The following IGF1R variants were observed in gnomAD, a reference collection of about 807,000 sequenced individuals.
IGF1R encodes insulin-like growth factor 1 receptor.
IGF1R carries 44 observed loss-of-function variants against 144.6 expected under a neutral mutation model. The ratio of observed to expected loss-of-function variants is 0.30; its 90% CI spans 0.24 to 0.39. IGF1R has a LOEUF of 0.39. Among genes scored for constraint, IGF1R ranks in the 10% least tolerant of loss-of-function variants. The pLI is 1.00. For missense variants in IGF1R, 1,355 were observed against 1,833.7 expected, an observed-to-expected ratio of 0.74 and a Z score of 4.77; for synonymous variants, 795 against 722.8, an observed-to-expected ratio of 1.10 and a Z score of -1.60.
intron 2 of IGF1R, among the ~76,000 whole-genome samples, chr15:98,808,800 C>G (rs1022911589): frequency 6.6e-6 from 1 of 152,044 alleles, no homozygotes; most frequent in African/African-American, 2.4e-5. Context: ...CTGTCTCAGC[C>G]TCCCGAGTAG....
At chr15:98,654,784 C>T (rs530208143) in intron 1 of IGF1R, among the ~76,000 whole-genome samples, 23 of 152,246 alleles carry the variant, frequency 1.5e-4, no homozygotes, top group African/African-American at 5.5e-4. Flanking sequence ...TAGTTGCACA[C>T]ATGTTACGGA....
intron 13 of IGF1R, among the ~76,000 whole-genome samples, chr15:98,927,733 C>A (rs1024422927): frequency 1.3e-5 from 2 of 152,126 alleles, no homozygotes; most frequent in South Asian, 4.1e-4. Flanking sequence ...TTTCTTTCTT[C>A]GATTAAAATA....
rs2013922369 is a variant in IGF1R at position 98,891,607 on chromosome 15, C to T, written c.923C>T (p.Pro308Leu). The change falls in exon 3 of 21, where the codon CCC becomes CTC. Residue 308 changes from proline to leucine, a missense_variant. Coordinates refer to ENST00000650285, the MANE Select transcript of IGF1R (RefSeq NM_000875.5). This position sits in a 1 kb window ranked among gnomAD's most constrained non-coding sequence, Gnocchi z 4.7. ...IHDGECMQECPSGFIRNGSQS... is the reference protein window; with the variant it reads ...IHDGECMQECLSGFIRNGSQS... ...GACGGCGAGTGCATGCAGGAGTGCCCCTCGGGCTTCATCCGCAACGGCAGC... is the reference window on the plus strand; with the variant it reads ...GACGGCGAGTGCATGCAGGAGTGCCTCTCGGGCTTCATCCGCAACGGCAGC... 1 of 1,602,360 alleles carries T rather than the reference C, an allele frequency of 6.2e-7. No homozygotes were observed. The highest frequency in any genetic ancestry group is 8.5e-7 in the Non-Finnish European group (1 of 1,179,974).
At chr15:98,854,606 T>G (rs1198670900) in intron 2 of IGF1R, among the ~76,000 whole-genome samples, 1 of 152,178 alleles carries the variant, frequency 6.6e-6, no homozygotes, top group African/African-American at 2.4e-5. Context: ...GCCTGTTCAT[T>G]TTTTCCATGC....
At chr15:98,794,336 A>G (rs949074503) in intron 2 of IGF1R, among the ~76,000 whole-genome samples, 3 of 152,174 alleles carry the variant, frequency 2.0e-5, no homozygotes, top group African/African-American at 4.8e-5. Flanking sequence ...GGCTGGGTAT[A>G]TGGAGACATT....
intron 2 of IGF1R, among the ~76,000 whole-genome samples, chr15:98,871,325 T>C (rs370773649): frequency 3.3e-5 from 5 of 152,364 alleles, no homozygotes; most frequent in East Asian, 3.9e-4. Context: ...TCAGGATGCC[T>C]GTCCTAAAAT....
intron 2 of IGF1R, among the ~76,000 whole-genome samples, chr15:98,827,903 C>G (rs1362862600): frequency 1.3e-5 from 2 of 152,126 alleles, no homozygotes; most frequent in African/African-American, 4.8e-5. Context: ...TTGTGGTATT[C>G]TGCAGTGGAG....
intron 2 of IGF1R, among the ~76,000 whole-genome samples, chr15:98,775,066 T>C (rs1324615687): frequency 6.6e-6 from 1 of 152,138 alleles, no homozygotes; most frequent in Non-Finnish European, 1.5e-5. Context: ...TAACCTGCCT[T>C]AGTCCCAGAG....
At chr15:98,652,866 T>G (rs1291422127) in intron 1 of IGF1R, among the ~76,000 whole-genome samples, 1 of 152,028 alleles carries the variant, frequency 6.6e-6, no homozygotes, top group African/African-American at 2.4e-5. Context: ...TAAATATACT[T>G]AAAACCATTG....
chr15:98,656,744 A>G (rs1487709293), intron 1 of IGF1R, among the ~76,000 whole-genome samples: 1 of 146,612 alleles, frequency 6.8e-6, no homozygotes, highest in East Asian at 1.9e-4. Context: ...ATAGGTCTCT[A>G]CTTCAGTAAG....
intron 2 of IGF1R, among the ~76,000 whole-genome samples, chr15:98,833,758 A>C (rs1020739949): frequency 6.6e-6 from 1 of 152,258 alleles, no homozygotes; most frequent in Non-Finnish European, 1.5e-5. Flanking sequence ...AAAAACAAAA[A>C]AGAAAAATCT....
chr15:98,943,517 G>A (rs1054726009), intron 19 of IGF1R, among the ~76,000 whole-genome samples: 1 of 152,228 alleles, frequency 6.6e-6, no homozygotes, highest in African/African-American at 2.4e-5. Context: ...CCCATCTGCT[G>A]TCTGTCTTTC....
rs966165279 is a variant in IGF1R at position 98,767,403 on chromosome 15, G to C, written c.640+59296G>C. Among the ~76,000 whole-genome samples, 6 of 152,284 alleles carry C rather than the reference G, an allele frequency of 3.9e-5. No homozygotes were observed. In the East Asian group the frequency reaches 1.2e-3, roughly 29 times the overall value. On this transcript the variant is annotated intron_variant, in intron 2 of 20. Coordinates refer to ENST00000650285, the MANE Select transcript of IGF1R (RefSeq NM_000875.5). ...GCTATGAAGGATGGAAGGGCATTTT[G>C]ATACATGAGGCATAACTGTAATTAT...
At chr15:98,801,452 G>T (rs954280603) in intron 2 of IGF1R, among the ~76,000 whole-genome samples, 5 of 152,238 alleles carry the variant, frequency 3.3e-5, no homozygotes, top group African/African-American at 1.2e-4. Flanking sequence ...AGAGAGAGGG[G>T]CAGCCTGGTT....
At chr15:98,663,254 G>A (rs1372782063) in intron 1 of IGF1R, among the ~76,000 whole-genome samples, 1 of 152,088 alleles carries the variant, frequency 6.6e-6, no homozygotes, top group Admixed American at 6.5e-5. Context: ...TGATGGAGAG[G>A]CAGGACCCGC....
intron 1 of IGF1R, 85 bp downstream of exon 1, chr15:98,649,760 C>G (rs1169571524): frequency 9.6e-7 from 1 of 1,039,068 alleles, no homozygotes; most frequent in South Asian, 1.3e-5. Flanking sequence ...CGAGTTGCCA[C>G]CGTCGCAGCT....
At chr15:98,955,167 G>A (rs1289076508) in intron 20 of IGF1R, among the ~76,000 whole-genome samples, 1 of 152,122 alleles carries the variant, frequency 6.6e-6, no homozygotes, top group African/African-American at 2.4e-5. Flanking sequence ...GACTTCAGCA[G>A]TTCACACACA....
At chr15:98,723,986 T>G (rs1051952772) in intron 2 of IGF1R, among the ~76,000 whole-genome samples, 8 of 152,204 alleles carry the variant, frequency 5.3e-5, no homozygotes, top group Non-Finnish European at 1.2e-4. Flanking sequence ...AATTAGCAGA[T>G]AGGAAAAGCT....
At chr15:98,822,340 G>A (rs1167141359) in intron 2 of IGF1R, among the ~76,000 whole-genome samples, 3 of 152,164 alleles carry the variant, frequency 2.0e-5, no homozygotes, top group Non-Finnish European at 4.4e-5. Flanking sequence ...GAGCAAGTGA[G>A]TACAGGATTG....
Sources: allele counts gnomAD v4.1 joint callset (sites outside exome capture counted in the v4.1 genomes callset), GRCh38; gene constraint gnomAD v4.1.1; non-coding constraint Gnocchi (gnomAD v3.1); transcripts MANE v1.5; gene names NCBI Gene and HGNC (gene_info 2026-07-23, HGNC 2026-07-21).